Variants in CDH18 observed in about 807,000 individuals in gnomAD.
CDH18 encodes the protein cadherin-18.
In CDH18, 31 loss-of-function variants were observed where a neutral mutation model predicts 67.9. The ratio of observed to expected loss-of-function variants is 0.46; its 90% CI spans 0.34 to 0.62. CDH18 has a LOEUF of 0.62. Among genes scored for constraint, CDH18 ranks in the 20% least tolerant of loss-of-function variants. The pLI is 0.01. For synonymous variants in CDH18, 362 were observed against 347.2 expected (o/e 1.04, Z -0.48); for missense variants, 890 against 975.5 (o/e 0.91, Z 1.17).
At chr5:19,951,162 C>T (rs1795749665) in intron 2 of CDH18, among the ~76,000 whole-genome samples, 2 of 152,102 alleles carry the variant, frequency 1.3e-5, no homozygotes, top group South Asian at 2.1e-4. Flanking sequence ...ATGGAAAAGA[C>T]TAGAAATGTC....
intron 1 of CDH18, among the ~76,000 whole-genome samples, chr5:20,444,570 C>T (rs1423460711): frequency 1.3e-5 from 2 of 152,106 alleles, no homozygotes; most frequent in Non-Finnish European, 2.9e-5. Flanking sequence ...AAACAAAAAT[C>T]CTCTCTTAGT....
chr5:20,177,173 G>T (rs1737300569), intron 2 of CDH18, among the ~76,000 whole-genome samples: 1 of 151,918 alleles, frequency 6.6e-6, no homozygotes. Context: ...TTCCTCTATG[G>T]TTTCATTTGC....
intron 2 of CDH18, among the ~76,000 whole-genome samples, chr5:20,193,900 G>A (rs1028844188): frequency 1.3e-5 from 2 of 151,890 alleles, no homozygotes; most frequent in Admixed American, 1.3e-4. Context: ...AATTCAACAT[G>A]CCTTCATGTT....
intron 2 of CDH18, among the ~76,000 whole-genome samples, chr5:20,070,852 C>A (rs536131671): frequency 6.6e-6 from 1 of 152,184 alleles, no homozygotes; most frequent in African/African-American, 2.4e-5. Flanking sequence ...ACAATTATGA[C>A]TCAACAGAAA....
intron 5 of CDH18, among the ~76,000 whole-genome samples, chr5:19,633,494 A>T (rs1413715279): frequency 1.3e-5 from 2 of 152,234 alleles, no homozygotes; most frequent in African/African-American, 2.4e-5. Flanking sequence ...TTAATTCAAA[A>T]GAAATTATTA....
intron 1 of CDH18, among the ~76,000 whole-genome samples, chr5:20,336,068 G>C (rs1739701011): frequency 6.6e-6 from 1 of 152,120 alleles, no homozygotes; most frequent in African/African-American, 2.4e-5. Flanking sequence ...GGGCAGATAG[G>C]GAGGGTTTCT....
chr5:20,286,887 G>T (rs942488380), intron 1 of CDH18, among the ~76,000 whole-genome samples: 62 of 151,726 alleles, frequency 4.1e-4, no homozygotes, highest in Non-Finnish European at 3.4e-4. Context: ...TCATTCACCT[G>T]CATCACAAAA....
intron 2 of CDH18, among the ~76,000 whole-genome samples, chr5:20,032,875 G>C (rs1739526014): frequency 6.6e-6 from 1 of 151,954 alleles, no homozygotes; most frequent in Non-Finnish European, 1.5e-5. Flanking sequence ...TAACACATTA[G>C]TAGTAGTAAA....
At chr5:19,615,654 A>C (rs1749702830) in intron 5 of CDH18, among the ~76,000 whole-genome samples, 1 of 152,216 alleles carries the variant, frequency 6.6e-6, no homozygotes. Context: ...ATAGTATCAA[A>C]AAGAATAGTT....
chr5:20,081,007 T>C (rs1014287344), intron 2 of CDH18, among the ~76,000 whole-genome samples: 5 of 152,124 alleles, frequency 3.3e-5, no homozygotes, highest in African/African-American at 7.2e-5. Context: ...ATAAGATTTT[T>C]AAAAAAGATT....
intron 2 of CDH18, among the ~76,000 whole-genome samples, chr5:19,948,401 C>T (rs1038574931): frequency 1.3e-5 from 2 of 152,144 alleles, no homozygotes; most frequent in African/African-American, 2.4e-5. Flanking sequence ...TGATGGAATA[C>T]TACTCAACAA....
intron 2 of CDH18, among the ~76,000 whole-genome samples, chr5:20,226,623 A>G (rs1741651368): frequency 6.6e-6 from 1 of 152,142 alleles, no homozygotes; most frequent in South Asian, 2.1e-4. Context: ...TTAACAAATC[A>G]TATCTTTTCT....
chr5:19,580,377 C>G (rs76670076), intron 7 of CDH18, among the ~76,000 whole-genome samples: 1 of 151,748 alleles, frequency 6.6e-6, no homozygotes, highest in African/African-American at 2.4e-5. Context: ...GGGCTGACAT[C>G]TTGTATTATA....
At chr5:20,132,640 T>G (rs1424780625) in intron 2 of CDH18, among the ~76,000 whole-genome samples, 4 of 152,214 alleles carry the variant, frequency 2.6e-5, no homozygotes, top group Admixed American at 6.5e-5. Context: ...TTTCTCATTT[T>G]TATTAGTTAC....
intron 4 of CDH18, among the ~76,000 whole-genome samples, chr5:19,746,675 G>C (rs995675354): frequency 3.9e-5 from 6 of 152,050 alleles, no homozygotes; most frequent in Non-Finnish European, 8.8e-5. Context: ...AGTATTCCAC[G>C]TGTTTTCAAA....
intron 2 of CDH18, among the ~76,000 whole-genome samples, chr5:20,022,857 T>C (rs928204935): frequency 2.0e-5 from 3 of 152,184 alleles, no homozygotes; most frequent in East Asian, 1.9e-4. Context: ...TGGGTGAGTC[T>C]ATGCTTGCAC....
At chr5:19,976,934 T>G (rs1175981891) in intron 2 of CDH18, among the ~76,000 whole-genome samples, 1 of 152,140 alleles carries the variant, frequency 6.6e-6, no homozygotes, top group African/African-American at 2.4e-5. Flanking sequence ...AAATAACACT[T>G]GATTTTTAAA....
At chr5:19,986,870 A>C (rs1799613802) in intron 1 of CDH18, among the ~76,000 whole-genome samples, 2 of 152,302 alleles carry the variant, frequency 1.3e-5, no homozygotes, top group South Asian at 4.1e-4. Context: ...AAAAAAGAAC[A>C]ATTATTGCAG....
intron 2 of CDH18, among the ~76,000 whole-genome samples, chr5:20,167,414 A>G (rs1434974470): frequency 2.0e-5 from 3 of 152,148 alleles, no homozygotes; most frequent in Non-Finnish European, 2.9e-5. Context: ...AATTTATTCA[A>G]TGATGCAAAG....
Sources: gnomAD v4.1 joint callset for allele counts (sites outside exome capture counted in the v4.1 genomes callset) on GRCh38, gnomAD v4.1.1 for gene constraint, MANE v1.5 for transcripts, NCBI Gene and HGNC (gene_info 2026-07-23, HGNC 2026-07-21) for gene names.